Variants in ATRNL1 observed in about 807,000 individuals in gnomAD.
ATRNL1 encodes attractin like 1.
ATRNL1 carries 95 observed loss-of-function variants against 182.7 expected under a neutral mutation model. The observed-to-expected ratio is 0.52, with a 90% CI of 0.44 to 0.62. The LOEUF (loss-of-function observed/expected upper bound fraction) is 0.62, where lower values mean the gene tolerates loss of function less well. Among genes scored for constraint, ATRNL1 ranks in the 20% least tolerant of loss-of-function variants. The pLI, the probability that ATRNL1 is intolerant of heterozygous loss-of-function variation, is 0.00. For missense variants in ATRNL1, 1,471 were observed against 1,679.5 expected (o/e 0.88, Z 2.17); for synonymous variants, 576 against 568.3 (o/e 1.01, Z -0.19).
chr10:115,300,887 C>T (rs1461160007), intron 16 of ATRNL1, among the ~76,000 whole-genome samples: 4 of 152,108 alleles, frequency 2.6e-5, no homozygotes, highest in African/African-American at 9.7e-5. Context: ...AACAATAACT[C>T]TCCATTTCCT....
At chr10:115,919,273 C>A (rs782324389) in intron 28 of ATRNL1, among the ~76,000 whole-genome samples, 2 of 152,148 alleles carry the variant, frequency 1.3e-5, no homozygotes, top group African/African-American at 4.8e-5. Context: ...AACAAGAGAA[C>A]CTGAAAGTTA....
chr10:115,104,696 T>C (rs1342032384), intron 1 of ATRNL1, among the ~76,000 whole-genome samples: 1 of 152,218 alleles, frequency 6.6e-6, no homozygotes, highest in African/African-American at 2.4e-5. Context: ...TCTAAGTCTT[T>C]AATCCATTTT....
At chr10:115,615,104 T>C (rs1316730290) in intron 26 of ATRNL1, among the ~76,000 whole-genome samples, 1 of 152,180 alleles carries the variant, frequency 6.6e-6, no homozygotes, top group East Asian at 1.9e-4. Context: ...CCTTTGTTTC[T>C]TTCTTACTTT....
chr10:115,591,122 C>T (rs1390670994), intron 26 of ATRNL1, among the ~76,000 whole-genome samples: 3 of 152,186 alleles, frequency 2.0e-5, no homozygotes, highest in Admixed American at 1.3e-4. Context: ...TTAATACATA[C>T]GTGTATACAC....
At chr10:115,500,487 T>C (rs1274257654) in intron 24 of ATRNL1, among the ~76,000 whole-genome samples, 1 of 152,166 alleles carries the variant, frequency 6.6e-6, no homozygotes, top group African/African-American at 2.4e-5. Context: ...AGACAAATCA[T>C]GGTAGGACTG....
intron 26 of ATRNL1, among the ~76,000 whole-genome samples, chr10:115,562,045 C>T (rs1482222221): frequency 1.3e-5 from 2 of 151,932 alleles, no homozygotes; most frequent in African/African-American, 2.4e-5. Context: ...AAAATGAAAA[C>T]GTAGGTCTAT....
At chr10:115,318,170 G>A (rs1854398661) in intron 18 of ATRNL1, among the ~76,000 whole-genome samples, 1 of 152,066 alleles carries the variant, frequency 6.6e-6, no homozygotes, top group South Asian at 2.1e-4. Flanking sequence ...TTTGGCTTTG[G>A]TTCTGTTTAT....
chr10:115,650,412 G>A (rs1859912023), intron 26 of ATRNL1, among the ~76,000 whole-genome samples: 1 of 152,024 alleles, frequency 6.6e-6, no homozygotes, highest in Non-Finnish European at 1.5e-5. Context: ...TTGGTCAGAA[G>A]ACTTTCATAA....
chr10:115,272,737 C>T (rs567568884), intron 13 of ATRNL1, among the ~76,000 whole-genome samples: 18 of 152,226 alleles, frequency 1.2e-4, no homozygotes, highest in Non-Finnish European at 2.1e-4. Context: ...GGTATTACTA[C>T]GTAGCTGGCA....
chr10:115,438,760 G>A (rs891585481), intron 21 of ATRNL1, among the ~76,000 whole-genome samples: 3 of 151,872 alleles, frequency 2.0e-5, no homozygotes, highest in South Asian at 4.1e-4. Flanking sequence ...AGTCATATAA[G>A]ACTAGGATGA....
chr10:115,553,411 TAC>T (rs1474557649), intron 26 of ATRNL1, among the ~76,000 whole-genome samples: 1 of 151,384 alleles, frequency 6.6e-6, no homozygotes, highest in African/African-American at 2.4e-5. Flanking sequence ...CTTGTAAATT[TAC>T]AGTTTTTTTA....
At chr10:115,319,640 GC>G (rs1294661300) in intron 18 of ATRNL1, among the ~76,000 whole-genome samples, 74 of 150,826 alleles carry the variant, frequency 4.9e-4, no homozygotes, top group African/African-American at 1.6e-3. Flanking sequence ...ATTATGTAAT[GC>G]CTTTTTTTTT....
intron 20 of ATRNL1, among the ~76,000 whole-genome samples, chr10:115,412,939 C>G (rs1414661482): frequency 6.6e-6 from 1 of 152,042 alleles, no homozygotes; most frequent in Non-Finnish European, 1.5e-5. Context: ...ATTTGCATTT[C>G]TTTGGGGGAT....
At chr10:115,587,031 C>T (rs1284400538) in intron 26 of ATRNL1, among the ~76,000 whole-genome samples, 2 of 148,884 alleles carry the variant, frequency 1.3e-5, no homozygotes, top group Non-Finnish European at 3.0e-5. Flanking sequence ...TGTCAGTCTG[C>T]CCCTACTGGG....
At chr10:115,622,202 A>G (rs782796155) in intron 26 of ATRNL1, among the ~76,000 whole-genome samples, 3 of 152,230 alleles carry the variant, frequency 2.0e-5, no homozygotes, top group African/African-American at 7.2e-5. Flanking sequence ...TATGCAGCCT[A>G]TAGGATTCAT....
intron 9 of ATRNL1, among the ~76,000 whole-genome samples, chr10:115,235,390 T>C (rs1850138235): frequency 6.6e-6 from 1 of 151,492 alleles, no homozygotes; most frequent in Non-Finnish European, 1.5e-5. Context: ...GTCTATTCTC[T>C]CTATCTCCAT....
At chr10:115,469,429 A>G in intron 24 of ATRNL1, 100 bp downstream of exon 24, 4 of 729,872 alleles carry the variant, frequency 5.5e-6, no homozygotes, top group Non-Finnish European at 8.5e-6. Flanking sequence ...TCCTGACTTG[A>G]CTAATACAAA....
Position 115,444,391 on chromosome 10 carries a change from A to G in ATRNL1, c.3323-17550A>G, listed in dbSNP as rs559776510. Among the ~76,000 whole-genome samples, 21 of 152,082 alleles carry G rather than the reference A, an allele frequency of 1.4e-4. 1 individual carries two copies. In the South Asian group the frequency reaches 4.4e-3, roughly 32 times the overall value. Reference sequence around the variant, plus strand: ...CTCCAAATAAAAGGTATAGGTATTTATATATTAATATTTAAGTCATATCTG... The same window carrying G: ...CTCCAAATAAAAGGTATAGGTATTTGTATATTAATATTTAAGTCATATCTG... On this transcript the variant is annotated intron_variant, in intron 21 of 28. Transcript: ENST00000355044.
At chr10:115,171,539 T>G (rs573442461) in intron 8 of ATRNL1, among the ~76,000 whole-genome samples, 4 of 152,114 alleles carry the variant, frequency 2.6e-5, no homozygotes, top group African/African-American at 9.6e-5. Flanking sequence ...ATTTGTGAAT[T>G]TTTTAAAAAA....
Sources: allele counts gnomAD v4.1 joint callset (sites outside exome capture counted in the v4.1 genomes callset), GRCh38; gene constraint gnomAD v4.1.1; transcripts MANE v1.5; gene names NCBI Gene and HGNC (gene_info 2026-07-23, HGNC 2026-07-21).